Variants in EFHB observed in about 807,000 individuals in gnomAD.
EFHB encodes EF-hand domain family member B, also known as EF-hand domain-containing family member B.
EFHB carries 91 observed loss-of-function variants against 87.2 expected under a neutral mutation model. That is an observed-to-expected ratio of 1.04 (90% confidence interval 0.88 to 1.24). The LOEUF (loss-of-function observed/expected upper bound fraction) is 1.24. Ranked by LOEUF, EFHB falls within the 50% of genes most tolerant of loss-of-function variation. EFHB has a pLI of 0.00. For missense variants in EFHB, 1,084 were observed against 998.8 expected, an observed-to-expected ratio of 1.09 and a Z score of -1.15; for synonymous variants, 325 against 333.6, an observed-to-expected ratio of 0.97 and a Z score of 0.28.
intron 1 of EFHB, chr3:19,941,257 C>T: frequency 3.4e-6 from 1 of 289,914 alleles, no homozygotes; most frequent in South Asian, 5.0e-5. Context: ...CAGAACAGGT[C>T]AGCATTCAGT....
intron 1 of EFHB, among the ~76,000 whole-genome samples, chr3:19,944,650 GA>G (rs1241151287): frequency 6.6e-6 from 1 of 152,182 alleles, no homozygotes; most frequent in African/African-American, 2.4e-5. Context: ...AAAATATTGT[GA>G]AAAGTATTCA....
At chr3:19,903,315 G>A (rs17006341) in intron 6 of EFHB, among the ~76,000 whole-genome samples, 1,756 of 152,132 alleles carry the variant, frequency 0.012, 35 homozygotes, top group African/African-American at 0.04. Flanking sequence ...CTTTTTCTAT[G>A]GCAACACTAA....
chr3:19,912,133 G>C (rs995334319), intron 5 of EFHB, among the ~76,000 whole-genome samples: 3 of 151,978 alleles, frequency 2.0e-5, no homozygotes, highest in Non-Finnish European at 4.4e-5. Flanking sequence ...ACCCAAAGAA[G>C]ACTACCTCAA....
At chr3:19,911,747 GA>G (rs1342926189) in intron 5 of EFHB, among the ~76,000 whole-genome samples, 2 of 151,414 alleles carry the variant, frequency 1.3e-5, no homozygotes, top group Admixed American at 6.6e-5. Context: ...GAAGACAAAA[GA>G]AAAAAAATTT....
intron 1 of EFHB, among the ~76,000 whole-genome samples, chr3:19,926,821 C>T (rs1695647373): frequency 2.0e-5 from 3 of 151,486 alleles, no homozygotes; most frequent in Non-Finnish European, 2.9e-5. Context: ...TCACCACACC[C>T]GGCTAATTTT....
chr3:19,888,427 C>T lies in EFHB; in HGVS notation c.1933+17G>A, dbSNP rs754058323. ...TTAAAAAAATAATAATTCATCAAAC[C>T]TTCAAAAATTAAATACCTTTAATAA... On this transcript the variant is annotated intron_variant, in intron 10 of 12. Transcript: ENST00000295824. 15 of 1,299,684 alleles carry T rather than the reference C, an allele frequency of 1.2e-5. No homozygotes were observed. The East Asian group carries it at 3.6e-4, about 32-fold the overall frequency. The allele number at this position is 1,299,684 out of a possible 1,614,324, so 80.5% of individuals were successfully genotyped here.
At chr3:19,940,373 G>A (rs1412189323) in intron 1 of EFHB, 1 of 407,430 alleles carries the variant, frequency 2.5e-6, no homozygotes, top group South Asian at 1.9e-5. Context: ...GTAATGATGG[G>A]ATTGCAGACT....
At chr3:19,934,391 G>C (rs1291450752), upstream of EFHB, among the ~76,000 whole-genome samples, 13 of 129,778 alleles carry the variant, frequency 1.0e-4, no homozygotes, top group African/African-American at 3.2e-4. Flanking sequence ...GTTTCTCTCT[G>C]CCCCCCCTTC....
chr3:19,886,676 C>CAAA (rs4020648), intron 10 of EFHB, among the ~76,000 whole-genome samples: 2 of 61,230 alleles, frequency 3.3e-5, no homozygotes, highest in Non-Finnish European at 5.7e-5. Flanking sequence ...GACACTGTCT[C>CAAA]AAAAAAAAAA....
chr3:19,937,996 G>A (rs894344557), upstream of EFHB, among the ~76,000 whole-genome samples: 20 of 152,154 alleles, frequency 1.3e-4, no homozygotes, highest in Admixed American at 1.1e-3. Context: ...CCAAAAAGAC[G>A]GGGCTTAGTA....
chr3:19,926,873 T>C (rs896741096), intron 1 of EFHB, among the ~76,000 whole-genome samples: 3 of 150,260 alleles, frequency 2.0e-5, no homozygotes, highest in Non-Finnish European at 4.4e-5. Flanking sequence ...TTGGTCAGGC[T>C]GGTCTCGAAC....
intron 1 of EFHB, among the ~76,000 whole-genome samples, chr3:19,925,574 T>C (rs1575041745): frequency 6.6e-6 from 1 of 152,160 alleles, no homozygotes; most frequent in African/African-American, 2.4e-5. Context: ...AACTCCAAAC[T>C]GCACCAACCA....
intron 1 of EFHB, among the ~76,000 whole-genome samples, chr3:19,943,734 T>C (rs62241278): frequency 0.53 from 79,907 of 151,832 alleles, 21,991 homozygotes; most frequent in Non-Finnish European, 0.62. Context: ...TTGGTACCCA[T>C]ATGGTGGGGG....
intron 10 of EFHB, among the ~76,000 whole-genome samples, chr3:19,884,915 TAAA>T (rs1306907125): frequency 3.7e-4 from 51 of 139,504 alleles, no homozygotes; most frequent in African/African-American, 1.2e-3. Context: ...TTTCTTTTCT[TAAA>T]AAAAAAAAAA....
intron 9 of EFHB, 79 bp downstream of exon 9, chr3:19,896,608 T>G (rs1281799500): frequency 7.0e-6 from 11 of 1,576,080 alleles, no homozygotes; most frequent in Non-Finnish European, 7.8e-6. Flanking sequence ...AGGCTATAGT[T>G]TGCTGACCCC....
At chr3:19,895,210 G>A (rs1173444099) in intron 9 of EFHB, among the ~76,000 whole-genome samples, 8 of 151,520 alleles carry the variant, frequency 5.3e-5, no homozygotes, top group Non-Finnish European at 1.2e-4. Flanking sequence ...GGCCAGGCGC[G>A]GTGGCTCAAG....
At chr3:19,882,524 C>A in intron 12 of EFHB, 26 bp downstream of exon 12, 1 of 1,451,308 alleles carries the variant, frequency 6.9e-7, no homozygotes, top group Non-Finnish European at 9.2e-7. Flanking sequence ...AAAACATTTC[C>A]ATTTTTGTAT....
chr3:19,882,271 T>C (rs1362726458), intron 12 of EFHB, among the ~76,000 whole-genome samples: 1 of 152,094 alleles, frequency 6.6e-6, no homozygotes, highest in Non-Finnish European at 1.5e-5. Context: ...GTTCCTTTTC[T>C]CAACTAGAAT....
In EFHB at chr3:19,896,765, T is replaced by A. The variant is rs539795058; in HGVS notation, c.1647A>T (p.Ala549=). The change falls in exon 9 of 13, where the codon GCA becomes GCT. Residue 549 remains alanine (A), a synonymous_variant. Transcript: ENST00000295824. ...RGKDRQRALI[A]AVRHHLKKVN... ...CTTTCTTCAGGTGATGCCGAACTGC[T>A]GCAATCAGGGCTCGCTGTCTATCCT... The A allele has an allele frequency of 8.2e-4, 1,319 of 1,614,030 alleles. 4 individuals are homozygous for A. The highest frequency in any genetic ancestry group is 2.0e-3 in the Admixed American group (119 of 60,016).
Sources: allele counts gnomAD v4.1 joint callset (sites outside exome capture counted in the v4.1 genomes callset), GRCh38; gene constraint gnomAD v4.1.1; transcripts MANE v1.5; gene names NCBI Gene and HGNC (gene_info 2026-07-23, HGNC 2026-07-21).